The following EYS variants were observed in gnomAD, a reference collection of about 807,000 sequenced individuals.
EYS encodes EGF-like photoreceptor maintenance factor, also known as protein eyes shut homolog.
Under a neutral mutation model 282.1 loss-of-function variants are expected in EYS, and 250 were observed. The observed-to-expected ratio is 0.89, with a 90% CI of 0.80 to 0.98. EYS has a LOEUF of 0.98. Ranked by LOEUF, EYS falls within the 50% of genes least tolerant of loss-of-function variation. EYS has a pLI of 0.00. For synonymous variants in EYS, 1,355 were observed against 1,282.9 expected (o/e 1.06, Z -1.20); for missense variants, 4,016 against 3,709.0 (o/e 1.08, Z -2.15).
intron 19 of EYS, among the ~76,000 whole-genome samples, chr6:64,849,108 C>G (rs972312613): frequency 6.6e-6 from 1 of 151,818 alleles, no homozygotes; most frequent in East Asian, 1.9e-4. Flanking sequence ...AATATATATA[C>G]AATTTGAATG....
At chr6:64,107,067 T>A (rs1254657911) in intron 31 of EYS, among the ~76,000 whole-genome samples, 2 of 151,130 alleles carry the variant, frequency 1.3e-5, no homozygotes, top group Non-Finnish European at 2.9e-5. Flanking sequence ...TACTATCTGT[T>A]CTTGCAAATT....
At chr6:65,186,395 C>T (rs1219852784) in intron 12 of EYS, among the ~76,000 whole-genome samples, 1 of 151,662 alleles carries the variant, frequency 6.6e-6, no homozygotes, top group Non-Finnish European at 1.5e-5. Flanking sequence ...AGGTCTAGTG[C>T]AATGGTAATG....
At chr6:65,389,552 C>G (rs539430652) in intron 7 of EYS, among the ~76,000 whole-genome samples, 2 of 152,158 alleles carry the variant, frequency 1.3e-5, no homozygotes, top group East Asian at 1.9e-4. Context: ...AATGTTCCAG[C>G]TGAGAATTTG....
chr6:64,344,421 G>T (rs1034770542), intron 29 of EYS, among the ~76,000 whole-genome samples: 17 of 151,856 alleles, frequency 1.1e-4, no homozygotes, highest in African/African-American at 3.6e-4. Flanking sequence ...ATCAATAAAC[G>T]TAATCCAGCA....
chr6:64,446,788 G>A (rs1027990482), intron 26 of EYS, among the ~76,000 whole-genome samples: 7 of 151,928 alleles, frequency 4.6e-5, no homozygotes, highest in African/African-American at 1.4e-4. Flanking sequence ...TCCCATATCT[G>A]GTAGTTATTA....
intron 14 of EYS, among the ~76,000 whole-genome samples, chr6:64,982,482 T>C (rs1770711721): frequency 6.6e-6 from 1 of 151,402 alleles, no homozygotes; most frequent in East Asian, 2.0e-4. Flanking sequence ...GTCATGCACA[T>C]AATTTATAAA....
chr6:64,398,505 T>TAC lies in EYS; in HGVS notation c.5928-9667_5928-9666dup, dbSNP rs3046625. 2.2e-3 allele frequency among the ~76,000 whole-genome samples: 335 copies of TAC among 150,624 alleles called. 3 individuals are homozygous for TAC. The South Asian group carries it at 0.023, about 10-fold the overall frequency. ...TTGATATGTGAATATTGTCAGGTTT[T>TAC]ACACACACACACACACACAAATATA... On this transcript the variant is annotated intron_variant, in intron 28 of 42. Transcript: ENST00000503581.
chr6:65,019,555 A>G (rs1371889832), intron 13 of EYS, among the ~76,000 whole-genome samples: 1 of 152,236 alleles, frequency 6.6e-6, no homozygotes, highest in East Asian at 1.9e-4. Context: ...GGTTTGTAGT[A>G]CAAAATAAAT....
intron 31 of EYS, among the ~76,000 whole-genome samples, chr6:64,083,222 G>T (rs1003665418): frequency 6.6e-6 from 1 of 151,864 alleles, no homozygotes; most frequent in African/African-American, 2.4e-5. Context: ...TTTCTTTTTT[G>T]TCTTTCTCAC....
At chr6:63,908,729 A>C (rs1002625886) in intron 35 of EYS, among the ~76,000 whole-genome samples, 2 of 152,082 alleles carry the variant, frequency 1.3e-5, no homozygotes, top group Admixed American at 6.6e-5. Context: ...GGGATTACAG[A>C]TGTTAGCCGC....
At chr6:63,773,176 A>G (rs1375787094) in intron 40 of EYS, among the ~76,000 whole-genome samples, 2 of 152,194 alleles carry the variant, frequency 1.3e-5, no homozygotes, top group Non-Finnish European at 2.9e-5. Context: ...CTAATACATA[A>G]TAGTGTCTGA....
At chr6:64,849,660 T>C (rs948708199) in intron 19 of EYS, among the ~76,000 whole-genome samples, 11 of 152,012 alleles carry the variant, frequency 7.2e-5, no homozygotes, top group Non-Finnish European at 1.0e-4. Context: ...GGGAGGAATT[T>C]TTTATAAGCT....
chr6:63,908,036 T>TTGTGTGTGTGTGTG (rs59753065), intron 35 of EYS, among the ~76,000 whole-genome samples: 1 of 79,284 alleles, frequency 1.3e-5, no homozygotes. Flanking sequence ...ATATATACGT[T>TTGTGTGTGTGTGTG]TGTGTGTGTG....
chr6:65,225,783 A>T (rs962191320), intron 12 of EYS, among the ~76,000 whole-genome samples: 5 of 151,866 alleles, frequency 3.3e-5, no homozygotes, highest in African/African-American at 1.2e-4. Flanking sequence ...AGACCAAAAA[A>T]CTACATGATC....
At chr6:64,879,892 G>T (rs1435572944) in intron 19 of EYS, among the ~76,000 whole-genome samples, 1 of 151,982 alleles carries the variant, frequency 6.6e-6, no homozygotes, top group African/African-American at 2.4e-5. Context: ...GTATAATTGT[G>T]CCATTTAGAA....
At position 63,958,928 on chromosome 6, in the gene EYS, T is replaced by C. The variant is rs114703744; in HGVS notation, c.7055+25455A>G. ...GACAATGCACCTGGACACTCAAGAG[T>C]TCTGATAGATGAATACAAGGAGTCT... is the stretch of plus-strand genomic sequence containing the variant. On this transcript the variant is annotated intron_variant, in intron 35 of 42. Coordinates refer to ENST00000503581, the MANE Select transcript of EYS (RefSeq NM_001142800.2). 1.8e-3 allele frequency among the ~76,000 whole-genome samples: 273 copies of C among 152,260 alleles called. 1 individual carries two copies. Among genetic ancestry groups the C allele is most frequent in the African/African-American group, 6.3e-3 (262 of 41,568 alleles).
At chr6:64,675,979 A>G (rs1207615177) in intron 22 of EYS, among the ~76,000 whole-genome samples, 1 of 150,160 alleles carries the variant, frequency 6.7e-6, no homozygotes, top group Non-Finnish European at 1.5e-5. Context: ...ATTGATCGAT[A>G]GATCTATATA....
At chr6:64,233,529 A>T (rs1766493349) in intron 30 of EYS, among the ~76,000 whole-genome samples, 1 of 152,220 alleles carries the variant, frequency 6.6e-6, no homozygotes, top group Non-Finnish European at 1.5e-5. Context: ...TGTTGGACTT[A>T]GTAATATAAT....
At chr6:65,316,850 G>A (rs1010408933) in intron 11 of EYS, among the ~76,000 whole-genome samples, 3 of 152,104 alleles carry the variant, frequency 2.0e-5, no homozygotes, top group African/African-American at 7.2e-5. Context: ...TGTTGTATAT[G>A]TGCCACATTT....
Sources: gnomAD v4.1 joint callset for allele counts (sites outside exome capture counted in the v4.1 genomes callset) on GRCh38, gnomAD v4.1.1 for gene constraint, MANE v1.5 for transcripts, NCBI Gene and HGNC (gene_info 2026-07-23, HGNC 2026-07-21) for gene names.